CDH18: variants seen among roughly 807,000 people sequenced by gnomAD.
CDH18 encodes the protein cadherin 18.
In CDH18, 31 loss-of-function variants were observed where a neutral mutation model predicts 67.9. The ratio of observed to expected loss-of-function variants is 0.46; its 90% confidence interval spans 0.34 to 0.62. The LOEUF (loss-of-function observed/expected upper bound fraction) is 0.62, where lower values mean the gene tolerates loss of function less well. Among genes scored for constraint, CDH18 ranks in the 20% least tolerant of loss-of-function variants. The pLI is 0.01. For synonymous variants in CDH18, 362 were observed against 347.2 expected, an observed-to-expected ratio of 1.04 and a Z score of -0.48; for missense variants, 890 against 975.5, an observed-to-expected ratio of 0.91 and a Z score of 1.17.
chr5:19,849,015 T>C (rs1173261828), intron 2 of CDH18, among the ~76,000 whole-genome samples: 1 of 151,730 alleles, frequency 6.6e-6, no homozygotes, highest in African/African-American at 2.4e-5. Flanking sequence ...TTAAATTTTA[T>C]GATAGATGGA....
intron 2 of CDH18, among the ~76,000 whole-genome samples, chr5:19,930,769 A>G (rs775196187): frequency 7.2e-5 from 11 of 152,042 alleles, no homozygotes; most frequent in Non-Finnish European, 1.5e-4. Context: ...CTTGTAGTGC[A>G]TAAGATCCGT....
chr5:20,267,310 GTA>G (rs1367945492), intron 1 of CDH18, among the ~76,000 whole-genome samples: 9 of 152,188 alleles, frequency 5.9e-5, no homozygotes, highest in African/African-American at 1.2e-4. Context: ...TTTTATATCA[GTA>G]TCATTATGTT....
At chr5:20,489,676 A>G (rs1247674252) in intron 1 of CDH18, among the ~76,000 whole-genome samples, 1 of 152,012 alleles carries the variant, frequency 6.6e-6, no homozygotes, top group Non-Finnish European at 1.5e-5. Flanking sequence ...TTTACTTCCA[A>G]TTATGCCTTA....
intron 2 of CDH18, among the ~76,000 whole-genome samples, chr5:19,956,922 T>C (rs773431359): frequency 6.6e-5 from 10 of 151,926 alleles, no homozygotes; most frequent in Non-Finnish European, 1.5e-4. Context: ...TCCCAAGTAG[T>C]AGAGGTGGAT....
At chr5:19,891,052 A>T (rs1224552486) in intron 2 of CDH18, among the ~76,000 whole-genome samples, 3 of 152,160 alleles carry the variant, frequency 2.0e-5, no homozygotes, top group Non-Finnish European at 2.9e-5. Context: ...AAAATTCATT[A>T]TGTAATTCTT....
chr5:19,835,744 A>T (rs1335351478), intron 3 of CDH18, among the ~76,000 whole-genome samples: 1 of 152,176 alleles, frequency 6.6e-6, no homozygotes, highest in African/African-American at 2.4e-5. Context: ...AAGGCAAATT[A>T]GAATAAAGTA....
chr5:20,479,697 G>T (rs2150252556), intron 1 of CDH18, among the ~76,000 whole-genome samples: 1 of 152,290 alleles, frequency 6.6e-6, no homozygotes, highest in Non-Finnish European at 1.5e-5. Context: ...ATGAGGTAGA[G>T]AGAGAGAGAC....
intron 1 of CDH18, among the ~76,000 whole-genome samples, chr5:20,497,718 C>T (rs1317051331): frequency 1.3e-5 from 2 of 152,024 alleles, no homozygotes; most frequent in African/African-American, 4.8e-5. Flanking sequence ...AGAAATAATG[C>T]ATGAAAAATA....
chr5:20,390,357 G>C (rs1271322922), intron 1 of CDH18, among the ~76,000 whole-genome samples: 1 of 152,010 alleles, frequency 6.6e-6, no homozygotes, highest in South Asian at 2.1e-4. Context: ...TCAAAGGAGA[G>C]ATTTATGCAG....
intron 4 of CDH18, among the ~76,000 whole-genome samples, chr5:19,725,948 T>G (rs1210435032): frequency 6.6e-6 from 1 of 152,174 alleles, no homozygotes; most frequent in Non-Finnish European, 1.5e-5. Context: ...GGCCCTGAAA[T>G]AGCAATTTAA....
intron 2 of CDH18, among the ~76,000 whole-genome samples, chr5:20,239,595 A>G (rs972383101): frequency 3.9e-5 from 6 of 152,230 alleles, no homozygotes; most frequent in Non-Finnish European, 7.3e-5. Context: ...TTTTTCAGAT[A>G]GTGAAAATAT....
intron 9 of CDH18, among the ~76,000 whole-genome samples, chr5:19,533,721 C>T (rs1272876314): frequency 6.6e-6 from 1 of 151,980 alleles, no homozygotes; most frequent in African/African-American, 2.4e-5. Context: ...TTGGCATGGA[C>T]AGTGCATTTC....
intron 5 of CDH18, among the ~76,000 whole-genome samples, chr5:19,629,131 C>A: frequency 6.6e-6 from 1 of 152,074 alleles, no homozygotes; most frequent in East Asian, 1.9e-4. Context: ...GAAAATGTTA[C>A]GTTAAGTGAA....
intron 1 of CDH18, among the ~76,000 whole-genome samples, chr5:20,293,693 C>T (rs1241598925): frequency 1.3e-5 from 2 of 152,160 alleles, no homozygotes; most frequent in Non-Finnish European, 2.9e-5. Flanking sequence ...TATTTATACA[C>T]ATGAATAAAA....
At chr5:20,281,417 T>G (rs1361327524) in intron 1 of CDH18, among the ~76,000 whole-genome samples, 1 of 152,182 alleles carries the variant, frequency 6.6e-6, no homozygotes, top group Non-Finnish European at 1.5e-5. Flanking sequence ...GTTTCAGCTT[T>G]CTACATATGG....
intron 5 of CDH18, among the ~76,000 whole-genome samples, chr5:19,650,209 G>A (rs1755373432): frequency 6.6e-6 from 1 of 151,964 alleles, no homozygotes; most frequent in South Asian, 2.1e-4. Flanking sequence ...ATCATAAAAT[G>A]TTTAATTAAG....
At chr5:20,537,302 T>C (rs187040815) in intron 1 of CDH18, among the ~76,000 whole-genome samples, 90 of 152,276 alleles carry the variant, frequency 5.9e-4, no homozygotes, top group South Asian at 1.2e-3. Flanking sequence ...AACAAAATGT[T>C]TGTGATTACA....
intron 2 of CDH18, among the ~76,000 whole-genome samples, chr5:19,841,577 A>C (rs1209009913): frequency 6.6e-6 from 1 of 151,546 alleles, no homozygotes; most frequent in Non-Finnish European, 1.5e-5. Context: ...ATTTCAAAAA[A>C]AAAAAAAGGA....
At chr5:20,263,419 T>C (rs1199409855) in intron 1 of CDH18, among the ~76,000 whole-genome samples, 1 of 152,178 alleles carries the variant, frequency 6.6e-6, no homozygotes, top group African/African-American at 2.4e-5. Flanking sequence ...TGAAGTTCAA[T>C]ATTTCAAACA....
Sources: allele counts gnomAD v4.1 joint callset (sites outside exome capture counted in the v4.1 genomes callset), GRCh38; gene constraint gnomAD v4.1.1; transcripts MANE v1.5; gene names NCBI Gene and HGNC (gene_info 2026-07-23, HGNC 2026-07-21).